Variants in VPS35L observed in about 807,000 individuals in gnomAD.
The protein encoded by VPS35L is VPS35 endosomal protein sorting factor like.
VPS35L carries 83 observed loss-of-function variants against 133.0 expected under a neutral mutation model. The observed-to-expected ratio is 0.62, with a 90% CI of 0.52 to 0.75. The LOEUF is 0.75. Ranked by LOEUF, VPS35L falls within the 30% of genes least tolerant of loss-of-function variation. VPS35L has a pLI of 0.00. For missense variants in VPS35L, 1,083 were observed against 1,206.8 expected (o/e 0.90, Z 1.52); for synonymous variants, 423 against 449.9 (o/e 0.94, Z 0.76).
chr16:19,584,224 G>T (rs226850), intron 7 of VPS35L, among the ~76,000 whole-genome samples: 3 of 152,210 alleles, frequency 2.0e-5, no homozygotes, highest in African/African-American at 7.2e-5. Context: ...TAACCTAGTT[G>T]TGGGATTGCT....
chr16:19,613,630 A>G (rs1428239913), intron 12 of VPS35L, among the ~76,000 whole-genome samples: 1 of 151,926 alleles, frequency 6.6e-6, no homozygotes, highest in Non-Finnish European at 1.5e-5. Flanking sequence ...TTGCCAGTAG[A>G]TCTAGCCAGA....
rs373395746 is a variant in VPS35L, at chr16:19,700,486, C to T, written c.*10C>T. ...GCAAACAAGGACCTGACCCCCGGGCCCATCCCCAGGCTCAGGGACTCTGGT... is the reference window on the plus strand; with the variant it reads ...GCAAACAAGGACCTGACCCCCGGGCTCATCCCCAGGCTCAGGGACTCTGGT... On this transcript the variant is annotated 3_prime_UTR_variant, in exon 31 of 31. Transcript: ENST00000417362. 1.6e-4 allele frequency: 259 copies of T among 1,610,314 alleles called. No individual in the cohort carries two copies. The highest frequency in any genetic ancestry group is 2.1e-4 in the Non-Finnish European group (248 of 1,176,604).
chr16:19,573,689 T>C (rs995117456), intron 4 of VPS35L, among the ~76,000 whole-genome samples: 1 of 152,120 alleles, frequency 6.6e-6, no homozygotes, highest in Non-Finnish European at 1.5e-5. Flanking sequence ...GGCGGGCACC[T>C]GTAATCCTAG....
chr16:19,674,184 C>CTTTTTTTTTTTTTTTTTTTT (rs201038834), intron 27 of VPS35L, among the ~76,000 whole-genome samples: 3 of 70,904 alleles, frequency 4.2e-5, no homozygotes, highest in African/African-American at 1.3e-4. Context: ...TTTTCTTTTT[C>CTTTTTTTTTTTTTTTTTTTT]TTTTTTTTTT....
At chr16:19,583,131 T>C (rs548190103) in intron 7 of VPS35L, among the ~76,000 whole-genome samples, 7 of 144,324 alleles carry the variant, frequency 4.9e-5, no homozygotes, top group Admixed American at 6.8e-5. Flanking sequence ...CCATTATAAG[T>C]GTGTAATTCA....
At chr16:19,678,848 T>C (rs1313184777) in intron 27 of VPS35L, among the ~76,000 whole-genome samples, 1 of 151,672 alleles carries the variant, frequency 6.6e-6, no homozygotes, top group Non-Finnish European at 1.5e-5. Flanking sequence ...ACTTTGTCCA[T>C]GTACAGAAGG....
intron 27 of VPS35L, among the ~76,000 whole-genome samples, chr16:19,675,845 C>T (rs1002354575): frequency 2.0e-5 from 3 of 152,132 alleles, no homozygotes; most frequent in Admixed American, 2.0e-4. Context: ...CCACTGCACC[C>T]GGTCCCCATA....
chr16:19,676,300 A>G (rs984516883), intron 27 of VPS35L, among the ~76,000 whole-genome samples: 1 of 152,212 alleles, frequency 6.6e-6, no homozygotes, highest in African/African-American at 2.4e-5. Flanking sequence ...TTGATACCAG[A>G]TCAAGTCCCT....
chr16:19,581,365 C>T (rs1216020805), intron 6 of VPS35L, among the ~76,000 whole-genome samples, 160 bp from the exon 7 acceptor site: 2 of 152,164 alleles, frequency 1.3e-5, no homozygotes, highest in East Asian at 1.9e-4. Context: ...CTCAAAAGAA[C>T]CTCTTTGATT....
At position 19,627,735 on chromosome 16, in the gene VPS35L, A is replaced by G. The variant is rs1567436374; in HGVS notation, c.1313A>G (p.Glu438Gly). ...TCTGTGATGTCTGCCTTCCGGGCTG[A>G]GTTCATCGCCACAAGGTCTATGGAT... ...LNSVMSAFRA[E>G]FIATRSMDFI... is the part of the protein sequence containing the mutation. Residue 438 changes from glutamate to glycine, a missense_variant, in exon 16 of 31, where the codon GAG (glutamate) becomes GGG (glycine). Transcript: ENST00000417362. 6.2e-7 allele frequency: 1 copy of G among 1,614,120 alleles called. No individual in the cohort carries two copies. The highest frequency in any genetic ancestry group is 8.5e-7 in the Non-Finnish European group (1 of 1,179,994).
At chr16:19,635,129 A>G (rs1973584922) in intron 19 of VPS35L, among the ~76,000 whole-genome samples, 1 of 152,138 alleles carries the variant, frequency 6.6e-6, no homozygotes, top group Non-Finnish European at 1.5e-5. Flanking sequence ...ATTTGAGGCC[A>G]GGAGTTCGAG....
Position 19,699,620 on chromosome 16 carries a change from G to A in VPS35L, c.2765G>A (p.Arg922Lys), listed in dbSNP as rs1484261466. The change falls in exon 30 of 31, where the codon AGG (arginine) becomes AAG (lysine). Residue 922 changes from arginine (R) to lysine (K), a missense_variant. Transcript: ENST00000417362. This position sits in a 1 kb window ranked among gnomAD's most constrained non-coding sequence, Gnocchi z 4.2. ...LSVNLWHLAQRHGCADTRTMV... is the reference protein window; with the variant it reads ...LSVNLWHLAQKHGCADTRTMV... ...GTCAACCTGTGGCACCTGGCACAGA[G>A]GCACGGCTGTGCAGACACCAGGACC... The A allele has an allele frequency of 2.5e-6, 4 of 1,614,008 alleles. No homozygotes were observed. The South Asian group carries it at 3.3e-5, about 13-fold the overall frequency.
At chr16:19,640,413 C>T (rs1326230648) in intron 21 of VPS35L, among the ~76,000 whole-genome samples, 1 of 152,226 alleles carries the variant, frequency 6.6e-6, no homozygotes, top group Non-Finnish European at 1.5e-5. Flanking sequence ...CAAGTGTAAT[C>T]ATGTGCCTGG....
rs1315430474 is a variant in VPS35L, at chr16:19,699,967, C to T, written c.2793+319C>T. ...AAAAAATTAGCCGGCCATGGTGGTG[C>T]ACATGTGTAGTCCCAGCTACTCGGG... On this transcript the variant is annotated intron_variant, in intron 30 of 30. Transcript: ENST00000417362. The surrounding 1 kb of genome is among the most constrained non-coding windows in gnomAD (Gnocchi z 4.2). Among the ~76,000 whole-genome samples, 3 of 152,064 alleles carry T rather than the reference C, an allele frequency of 2.0e-5. No homozygotes were observed. Among genetic ancestry groups the T allele is most frequent in the African/African-American group, 7.2e-5 (3 of 41,392 alleles).
intron 17 of VPS35L, 65 bp downstream of exon 17, chr16:19,628,818 G>A: frequency 1.4e-6 from 1 of 700,338 alleles, no homozygotes; most frequent in Non-Finnish European, 2.0e-6. Context: ...TTGAGATGAA[G>A]TCTTGCTCTG....
intron 5 of VPS35L, among the ~76,000 whole-genome samples, 164 bp downstream of exon 5, chr16:19,575,286 G>A (rs1971494537): frequency 6.6e-6 from 1 of 152,252 alleles, no homozygotes; most frequent in South Asian, 2.1e-4. Flanking sequence ...TACATATTTA[G>A]AGCATGAATT....
At chr16:19,690,488 T>C (rs1311346008) in intron 28 of VPS35L, among the ~76,000 whole-genome samples, 1 of 152,164 alleles carries the variant, frequency 6.6e-6, no homozygotes, top group Non-Finnish European at 1.5e-5. Flanking sequence ...TCTAGAGTAG[T>C]TGAAATAGAA....
At chr16:19,572,669 A>G (rs1597315223) in intron 3 of VPS35L, among the ~76,000 whole-genome samples, 1 of 152,142 alleles carries the variant, frequency 6.6e-6, no homozygotes, top group East Asian at 1.9e-4. Flanking sequence ...TTTATTGTCC[A>G]TTTATGATGA....
chr16:19,597,466 G>T (rs1972253573), intron 8 of VPS35L, among the ~76,000 whole-genome samples: 1 of 152,126 alleles, frequency 6.6e-6, no homozygotes. Flanking sequence ...CCAAGAAACC[G>T]ATAGAAATGG....
Sources: allele counts gnomAD v4.1 joint callset (sites outside exome capture counted in the v4.1 genomes callset), GRCh38; gene constraint gnomAD v4.1.1; non-coding constraint Gnocchi (gnomAD v3.1); transcripts MANE v1.5; gene names NCBI Gene and HGNC (gene_info 2026-07-23, HGNC 2026-07-21).